GRM8: variants seen among roughly 807,000 people sequenced by gnomAD.
The protein encoded by GRM8 is glutamate metabotropic receptor 8.
In GRM8, 47 loss-of-function variants were observed where a neutral mutation model predicts 87.2. The observed-to-expected ratio is 0.54, with a 90% CI of 0.43 to 0.69. GRM8 has a LOEUF of 0.69. Among genes scored for constraint, GRM8 ranks in the 30% least tolerant of loss-of-function variants. The pLI is 0.00. For synonymous variants in GRM8, 396 were observed against 404.5 expected, an observed-to-expected ratio of 0.98 and a Z score of 0.25; for missense variants, 1,019 against 1,139.2, an observed-to-expected ratio of 0.89 and a Z score of 1.52.
At chr7:126,888,519 G>A (rs1267009395) in intron 6 of GRM8, among the ~76,000 whole-genome samples, 2 of 152,090 alleles carry the variant, frequency 1.3e-5, no homozygotes, top group Non-Finnish European at 2.9e-5. Context: ...AATGTCCTCT[G>A]GTTCTCTGTT....
intron 8 of GRM8, among the ~76,000 whole-genome samples, chr7:126,545,857 A>G (rs1297691969): frequency 2.6e-5 from 4 of 152,304 alleles, no homozygotes; most frequent in Non-Finnish European, 5.9e-5. Context: ...CCATGTACTA[A>G]TTTGATTCCT....
chr7:126,695,507 T>C (rs1024827023), intron 7 of GRM8, among the ~76,000 whole-genome samples: 7 of 152,040 alleles, frequency 4.6e-5, no homozygotes, highest in African/African-American at 1.7e-4. Context: ...ATGTGCCCTA[T>C]GAATTGAGTT....
chr7:127,176,727 T>C (rs984268450), intron 2 of GRM8, among the ~76,000 whole-genome samples: 1 of 152,190 alleles, frequency 6.6e-6, no homozygotes, highest in Non-Finnish European at 1.5e-5. Context: ...CCAGTACCAG[T>C]CCAGACCCTC....
chr7:127,229,426 T>C (rs977218342), intron 2 of GRM8: 3 of 152,218 alleles, frequency 2.0e-5, no homozygotes, highest in African/African-American at 7.2e-5. Flanking sequence ...TATTAATTTA[T>C]ACACCAGCAA....
chr7:126,631,668 A>G (rs1450395516), intron 7 of GRM8, among the ~76,000 whole-genome samples: 1 of 152,180 alleles, frequency 6.6e-6, no homozygotes, highest in Admixed American at 6.6e-5. Flanking sequence ...ATAGCACGGT[A>G]CTGGTACAAA....
intron 3 of GRM8, among the ~76,000 whole-genome samples, chr7:127,023,678 T>C (rs1166133134): frequency 6.6e-6 from 1 of 152,074 alleles, no homozygotes; most frequent in Non-Finnish European, 1.5e-5. Context: ...TTTCATCAAC[T>C]AAAAACTGTA....
intron 3 of GRM8, among the ~76,000 whole-genome samples, chr7:126,952,972 A>G (rs971628314): frequency 2.0e-5 from 3 of 152,058 alleles, no homozygotes; most frequent in Admixed American, 6.6e-5. Context: ...TATTATATCA[A>G]TGTTAATTTC....
chr7:126,498,351 G>A (rs1347755610), intron 9 of GRM8, among the ~76,000 whole-genome samples: 1 of 151,940 alleles, frequency 6.6e-6, no homozygotes, highest in African/African-American at 2.4e-5. Flanking sequence ...ATAGTATTAA[G>A]GGCCAAAGAG....
intron 8 of GRM8, among the ~76,000 whole-genome samples, chr7:126,579,573 C>A (rs1795420580): frequency 1.3e-5 from 2 of 152,088 alleles, no homozygotes; most frequent in African/African-American, 4.8e-5. Context: ...CTGATGCAGG[C>A]AGAACATGTC....
intron 1 of GRM8, among the ~76,000 whole-genome samples, chr7:127,246,553 C>A (rs1193690698): frequency 1.3e-5 from 2 of 152,160 alleles, no homozygotes; most frequent in Non-Finnish European, 2.9e-5. Context: ...GGAGGCTTAA[C>A]CATGAACCCT....
intron 2 of GRM8, among the ~76,000 whole-genome samples, chr7:127,177,927 G>A (rs1794210032): frequency 2.0e-5 from 3 of 152,066 alleles, no homozygotes; most frequent in Admixed American, 2.0e-4. Context: ...CTGGTAATAT[G>A]ACAATACAAC....
chr7:126,884,907 C>T (rs974243068), intron 6 of GRM8, among the ~76,000 whole-genome samples: 6 of 152,192 alleles, frequency 3.9e-5, no homozygotes, highest in Non-Finnish European at 7.3e-5. Context: ...CTGACCTAAT[C>T]AGAGAGTTAA....
At chr7:127,142,998 C>T (rs986364115) in intron 2 of GRM8, among the ~76,000 whole-genome samples, 4 of 152,086 alleles carry the variant, frequency 2.6e-5, no homozygotes, top group African/African-American at 9.7e-5. Flanking sequence ...AAGGAGAGAA[C>T]CAACCAATAA....
intron 7 of GRM8, among the ~76,000 whole-genome samples, chr7:126,717,607 A>G (rs1811898151): frequency 6.6e-6 from 1 of 152,240 alleles, no homozygotes; most frequent in Non-Finnish European, 1.5e-5. Flanking sequence ...TAGACTTTGT[A>G]GTGTAACCTG....
chr7:126,542,703 C>T (rs1816684385), intron 8 of GRM8, among the ~76,000 whole-genome samples: 1 of 152,134 alleles, frequency 6.6e-6, no homozygotes, highest in South Asian at 2.1e-4. Context: ...AGTTTCCAGA[C>T]TTTATTCTTT....
intron 8 of GRM8, among the ~76,000 whole-genome samples, chr7:126,548,281 T>C (rs988877142): frequency 1.3e-5 from 2 of 151,494 alleles, no homozygotes; most frequent in Admixed American, 6.6e-5. Flanking sequence ...AACCTGCACA[T>C]TGTGCACATG....
chr7:126,555,623 AATTT>A (rs1376565478), intron 8 of GRM8, among the ~76,000 whole-genome samples: 1 of 152,174 alleles, frequency 6.6e-6, no homozygotes, highest in Admixed American at 6.5e-5. Context: ...AAAGCAAAAC[AATTT>A]ATTACGAGGG....
At chr7:126,500,576 A>T (rs1441642688) in intron 9 of GRM8, among the ~76,000 whole-genome samples, 2 of 152,016 alleles carry the variant, frequency 1.3e-5, no homozygotes, top group Non-Finnish European at 2.9e-5. Context: ...AAGATCAGAG[A>T]TCAGAACAAT....
chr7:126,760,936 C>T (rs1817524983), intron 7 of GRM8, among the ~76,000 whole-genome samples: 1 of 152,124 alleles, frequency 6.6e-6, no homozygotes, highest in African/African-American at 2.4e-5. Context: ...ATGATTCACG[C>T]CTGCAATCCT....
Sources: gnomAD v4.1 joint callset for allele counts (sites outside exome capture counted in the v4.1 genomes callset) on GRCh38, gnomAD v4.1.1 for gene constraint, MANE v1.5 for transcripts, NCBI Gene and HGNC (gene_info 2026-07-23, HGNC 2026-07-21) for gene names.